ENPP6: variants seen among roughly 807,000 people sequenced by gnomAD.
ENPP6 encodes the protein glycerophosphocholine cholinephosphodiesterase ENPP6.
In ENPP6, 32 loss-of-function variants were observed where a neutral mutation model predicts 42.0. The ratio of observed to expected loss-of-function variants is 0.76; its 90% CI spans 0.58 to 1.02. ENPP6 has a LOEUF of 1.02. Ranked by LOEUF, ENPP6 falls within the 50% of genes least tolerant of loss-of-function variation. The pLI is 0.00. For synonymous variants in ENPP6, 213 were observed against 216.0 expected (o/e 0.99, Z 0.12); for missense variants, 552 against 566.8 (o/e 0.97, Z 0.27).
chr4:184,157,463 TTTCC>T (rs1175791428), intron 1 of ENPP6, among the ~76,000 whole-genome samples: 1 of 150,452 alleles, frequency 6.6e-6, no homozygotes, highest in African/African-American at 2.4e-5. Flanking sequence ...TCTCTCTTTC[TTTCC>T]TTCCTTTCCT....
intron 1 of ENPP6, among the ~76,000 whole-genome samples, chr4:184,198,351 G>A (rs1381672671): frequency 6.6e-6 from 1 of 152,234 alleles, no homozygotes; most frequent in African/African-American, 2.4e-5. Flanking sequence ...TAGACCAACA[G>A]TAGTGGGGAT....
chr4:184,102,670 G>GT (rs1159253771), intron 6 of ENPP6, among the ~76,000 whole-genome samples: 2 of 152,214 alleles, frequency 1.3e-5, no homozygotes, highest in Admixed American at 1.3e-4. Flanking sequence ...CAGAGGCGCT[G>GT]TTGCAGGGCC....
At chr4:184,101,316 G>A (rs1427663699) in intron 6 of ENPP6, among the ~76,000 whole-genome samples, 47 of 67,576 alleles carry the variant, frequency 7.0e-4, no homozygotes, top group African/African-American at 3.3e-3. Context: ...GTGTGTGTGT[G>A]TGTGTGTGTG....
At chr4:184,131,205 T>TTTCTTTCTTTCTTTCTTTCTTTC (rs1579625484) in intron 2 of ENPP6, among the ~76,000 whole-genome samples, 1 of 65,924 alleles carries the variant, frequency 1.5e-5, no homozygotes. Flanking sequence ...TTCTTTCTTC[T>TTTCTTTCTTTCTTTCTTTCTTTC]TTCTTTCTTT....
At chr4:184,187,248 C>T (rs1732647388) in intron 1 of ENPP6, among the ~76,000 whole-genome samples, 1 of 152,194 alleles carries the variant, frequency 6.6e-6, no homozygotes, top group African/African-American at 2.4e-5. Flanking sequence ...AAAAGGCCTG[C>T]ACCAGGAGCC....
rs1249702152 is a variant in ENPP6 at position 184,153,732 on chromosome 4, G to A, written c.243C>T (p.Gly81=). Residue 81 remains glycine (G), a splice_region_variant and synonymous_variant, in exon 2 of 8, where the codon GGC becomes GGT. Transcript: ENST00000296741. Reference sequence around the variant, plus strand: ...TCATCTGATGGACTTCACAATGGCGGCCTATGTCAATGAGAACACAGCTGT... The same window carrying A: ...TCATCTGATGGACTTCACAATGGCGACCTATGTCAATGAGAACACAGCTGT... The part of the protein sequence containing the change: ...SYPNYYTLMT[G]RHCEVHQMIG... The A allele has an allele frequency of 6.2e-7, 1 of 1,613,422 alleles. No individual in the cohort carries two copies. Among genetic ancestry groups the A allele is most frequent in the Non-Finnish European group, 8.5e-7 (1 of 1,179,734 alleles).
At chr4:184,202,086 G>A (rs1401748785) in intron 1 of ENPP6, among the ~76,000 whole-genome samples, 1 of 152,168 alleles carries the variant, frequency 6.6e-6, no homozygotes, top group African/African-American at 2.4e-5. Context: ...TATTCTGCAT[G>A]CTTCTTGAAC....
At chr4:184,161,438 T>G (rs1440324613) in intron 1 of ENPP6, among the ~76,000 whole-genome samples, 1 of 152,214 alleles carries the variant, frequency 6.6e-6, no homozygotes, top group East Asian at 1.9e-4. Context: ...TTGGTGGGAA[T>G]GTAAACTAGT....
chr4:184,202,552 C>A (rs1237474112), intron 1 of ENPP6, among the ~76,000 whole-genome samples: 1 of 152,224 alleles, frequency 6.6e-6, no homozygotes, highest in African/African-American at 2.4e-5. Context: ...GGCAAATGGG[C>A]TCAGCACCCC....
At chr4:184,112,272 GT>G (rs1736206894) in intron 6 of ENPP6, among the ~76,000 whole-genome samples, 1 of 152,218 alleles carries the variant, frequency 6.6e-6, no homozygotes, top group African/African-American at 2.4e-5. Flanking sequence ...GGGACTCACA[GT>G]CTCGTTTGCC....
intron 1 of ENPP6, among the ~76,000 whole-genome samples, chr4:184,188,761 A>C (rs528479447): frequency 7.2e-5 from 11 of 152,212 alleles, no homozygotes; most frequent in African/African-American, 2.6e-4. Context: ...CAAGATAAAG[A>C]TGTCTCACGC....
intron 1 of ENPP6, among the ~76,000 whole-genome samples, chr4:184,172,861 C>T (rs984087218): frequency 1.3e-5 from 2 of 152,044 alleles, no homozygotes; most frequent in Non-Finnish European, 2.9e-5. Context: ...CATTCGTTCA[C>T]CGTCTGTGGG....
intron 1 of ENPP6, among the ~76,000 whole-genome samples, chr4:184,196,071 A>G (rs1349691126): frequency 6.6e-6 from 1 of 152,222 alleles, no homozygotes; most frequent in African/African-American, 2.4e-5. Context: ...GAGATGTCAC[A>G]GTCATCATCC....
Position 184,162,281 on chromosome 4 carries a change from G to A in ENPP6, c.242-8548C>T, listed in dbSNP as rs564161671. 4.6e-5 allele frequency among the ~76,000 whole-genome samples: 7 copies of A among 152,136 alleles called. No homozygotes were observed. The South Asian group carries it at 1.2e-3, about 27-fold the overall frequency. On this transcript the variant is annotated intron_variant, in intron 1 of 7. Coordinates refer to ENST00000296741, the MANE Select transcript of ENPP6 (RefSeq NM_153343.4). Reference sequence around the variant, plus strand: ...ATATTTGCAGGCTCATAGGGTGCTGGAAAAAAGGGGGGAAGGAAGGAAAGA... The same window carrying A: ...ATATTTGCAGGCTCATAGGGTGCTGAAAAAAAGGGGGGAAGGAAGGAAAGA...
chr4:184,108,260 C>T (rs777597472), intron 6 of ENPP6, among the ~76,000 whole-genome samples: 2 of 152,206 alleles, frequency 1.3e-5, no homozygotes, highest in African/African-American at 2.4e-5. Flanking sequence ...CGAACTCAGA[C>T]CCAGAGAGGC....
intron 2 of ENPP6, among the ~76,000 whole-genome samples, chr4:184,152,224 C>T (rs112248058): frequency 6.2e-4 from 95 of 152,302 alleles, no homozygotes; most frequent in Admixed American, 4.6e-3. Context: ...CCGCGGTCTC[C>T]GTGTGTCTGT....
At chr4:184,134,708 TG>T (rs1258570985) in intron 2 of ENPP6, among the ~76,000 whole-genome samples, 1 of 151,994 alleles carries the variant, frequency 6.6e-6, no homozygotes, top group African/African-American at 2.4e-5. Flanking sequence ...TTTTCTTTGT[TG>T]TATGTTTATT....
intron 1 of ENPP6, among the ~76,000 whole-genome samples, chr4:184,155,497 A>AAT (rs33933232): frequency 0.45 from 68,338 of 151,836 alleles, 15,538 homozygotes; most frequent in Admixed American, 0.5. Context: ...AAGCTGAGCA[A>AAT]ATGTGCAAAA....
intron 5 of ENPP6, among the ~76,000 whole-genome samples, chr4:184,116,589 C>T (rs542084527): frequency 1.1e-4 from 17 of 151,538 alleles, no homozygotes; most frequent in East Asian, 7.9e-4. Flanking sequence ...CAAAATTAGC[C>T]GGGCATGGTG....
Sources: gnomAD v4.1 joint callset for allele counts (sites outside exome capture counted in the v4.1 genomes callset) on GRCh38, gnomAD v4.1.1 for gene constraint, MANE v1.5 for transcripts, NCBI Gene and HGNC (gene_info 2026-07-23, HGNC 2026-07-21) for gene names.